CNTNAP2: variants seen among roughly 807,000 people sequenced by gnomAD.
CNTNAP2 encodes contactin associated protein 2, also known as contactin-associated protein-like 2.
In CNTNAP2, 98 loss-of-function variants were observed where a neutral mutation model predicts 155.2. That is an observed-to-expected ratio of 0.63 (90% CI 0.54 to 0.75). The LOEUF (loss-of-function observed/expected upper bound fraction) is 0.75, where lower values mean the gene tolerates loss of function less well. Ranked by LOEUF, CNTNAP2 falls within the 30% of genes least tolerant of loss-of-function variation. CNTNAP2 has a pLI of 0.00. For synonymous variants in CNTNAP2, 651 were observed against 631.2 expected (o/e 1.03, Z -0.47); for missense variants, 1,727 against 1,688.1 (o/e 1.02, Z -0.40).
chr7:147,357,885 G>A (rs908879052), intron 9 of CNTNAP2, among the ~76,000 whole-genome samples: 16 of 151,982 alleles, frequency 1.1e-4, no homozygotes, highest in African/African-American at 3.9e-4. Flanking sequence ...TTAACCAGTT[G>A]CCTGCTGTGT....
At chr7:147,195,900 T>A (rs1407817511) in intron 8 of CNTNAP2, among the ~76,000 whole-genome samples, 1 of 152,182 alleles carries the variant, frequency 6.6e-6, no homozygotes, top group Non-Finnish European at 1.5e-5. Flanking sequence ...ACAACATTTA[T>A]ATTAAAGGGA....
At chr7:147,530,554 A>G (rs1329560156) in intron 11 of CNTNAP2, among the ~76,000 whole-genome samples, 1 of 152,194 alleles carries the variant, frequency 6.6e-6, no homozygotes, top group East Asian at 1.9e-4. Flanking sequence ...TAGACCCATT[A>G]GATCTCATGA....
intron 13 of CNTNAP2, among the ~76,000 whole-genome samples, chr7:147,718,889 A>G (rs538560220): frequency 4.6e-5 from 7 of 152,270 alleles, no homozygotes; most frequent in East Asian, 1.9e-4. Context: ...ATAGTGCTCT[A>G]TATCTCAAGA....
At chr7:147,628,694 A>C (rs1795031107) in intron 12 of CNTNAP2, among the ~76,000 whole-genome samples, 1 of 152,158 alleles carries the variant, frequency 6.6e-6, no homozygotes, top group South Asian at 2.1e-4. Flanking sequence ...GAATGGATAA[A>C]AATCCACCAA....
At chr7:146,467,909 A>G (rs1490613799) in intron 1 of CNTNAP2, among the ~76,000 whole-genome samples, 1 of 152,178 alleles carries the variant, frequency 6.6e-6, no homozygotes, top group East Asian at 1.9e-4. Flanking sequence ...GTAGTTGATT[A>G]AAAATACATG....
intron 1 of CNTNAP2, among the ~76,000 whole-genome samples, chr7:146,493,159 T>A (rs1394322769): frequency 6.6e-6 from 1 of 152,194 alleles, no homozygotes; most frequent in Non-Finnish European, 1.5e-5. Flanking sequence ...CATTTTCTTT[T>A]TATTTATATA....
intron 11 of CNTNAP2, among the ~76,000 whole-genome samples, chr7:147,516,022 C>T: frequency 6.6e-6 from 1 of 152,110 alleles, no homozygotes; most frequent in East Asian, 1.9e-4. Context: ...AGCCCCAAAC[C>T]ATTTCTTACT....
At chr7:147,235,103 T>G (rs922844934) in intron 8 of CNTNAP2, among the ~76,000 whole-genome samples, 8 of 152,122 alleles carry the variant, frequency 5.3e-5, no homozygotes, top group African/African-American at 1.9e-4. Context: ...ATCCAATCAG[T>G]TGAAGGCCTG....
At chr7:146,155,288 T>G (rs537030858) in intron 1 of CNTNAP2, among the ~76,000 whole-genome samples, 2 of 152,308 alleles carry the variant, frequency 1.3e-5, no homozygotes, top group Admixed American at 6.5e-5. Context: ...TTTTGTTGTT[T>G]AAGGCATTTA....
At chr7:146,758,386 G>T (rs13231314) in intron 1 of CNTNAP2, among the ~76,000 whole-genome samples, 9,167 of 152,204 alleles carry the variant, frequency 0.06, 355 homozygotes, top group Non-Finnish European at 0.077. Flanking sequence ...GGTTATCCCA[G>T]GTGTGGTGCT....
At chr7:146,736,263 C>A (rs576187825) in intron 1 of CNTNAP2, among the ~76,000 whole-genome samples, 6 of 152,042 alleles carry the variant, frequency 3.9e-5, no homozygotes, top group African/African-American at 1.4e-4. Flanking sequence ...TAATCTTCTG[C>A]GGATACCAAA....
At chr7:146,305,933 C>A in intron 1 of CNTNAP2, among the ~76,000 whole-genome samples, 1 of 152,056 alleles carries the variant, frequency 6.6e-6, no homozygotes, top group South Asian at 2.1e-4. Context: ...ACAAAATACC[C>A]TTCAAAAAAT....
chr7:147,281,242 G>A (rs1400766069), intron 8 of CNTNAP2, among the ~76,000 whole-genome samples: 2 of 151,748 alleles, frequency 1.3e-5, no homozygotes, highest in East Asian at 3.9e-4. Context: ...TTTTTATAAC[G>A]AATCATCAGC....
chr7:148,144,554 G>A (rs1164605847), intron 16 of CNTNAP2, among the ~76,000 whole-genome samples: 1 of 152,134 alleles, frequency 6.6e-6, no homozygotes, highest in Non-Finnish European at 1.5e-5. Context: ...CTATGGTTCT[G>A]CCAGCATCAT....
At chr7:146,742,089 A>T (rs1801728034) in intron 1 of CNTNAP2, among the ~76,000 whole-genome samples, 1 of 150,850 alleles carries the variant, frequency 6.6e-6, no homozygotes, top group Non-Finnish European at 1.5e-5. Context: ...AAGAAAATTT[A>T]AGCTAGTTTT....
intron 1 of CNTNAP2, among the ~76,000 whole-genome samples, chr7:146,321,720 G>A (rs1275959843): frequency 6.6e-6 from 1 of 152,068 alleles, no homozygotes; most frequent in African/African-American, 2.4e-5. Context: ...ACAAAGCTAG[G>A]AAAAGAGATG....
intron 3 of CNTNAP2, among the ~76,000 whole-genome samples, chr7:146,936,395 A>G (rs1377474213): frequency 6.6e-6 from 1 of 152,156 alleles, no homozygotes; most frequent in Non-Finnish European, 1.5e-5. Flanking sequence ...CCATCTACTC[A>G]ATCCTCATTC....
At chr7:147,855,237 G>C (rs1052986407) in intron 13 of CNTNAP2, among the ~76,000 whole-genome samples, 1 of 151,952 alleles carries the variant, frequency 6.6e-6, no homozygotes, top group Admixed American at 6.6e-5. Flanking sequence ...CTAATGAAGG[G>C]GGAGAAGGAG....
intron 3 of CNTNAP2, among the ~76,000 whole-genome samples, chr7:146,936,343 T>C (rs1480676844): frequency 1.3e-5 from 2 of 152,202 alleles, no homozygotes; most frequent in African/African-American, 4.8e-5. Flanking sequence ...GACGAGGTTT[T>C]GTTTTTCTCC....
Sources: gnomAD v4.1 joint callset for allele counts (sites outside exome capture counted in the v4.1 genomes callset) on GRCh38, gnomAD v4.1.1 for gene constraint, MANE v1.5 for transcripts, NCBI Gene and HGNC (gene_info 2026-07-23, HGNC 2026-07-21) for gene names.